Variants in LOXL2 observed in about 807,000 individuals in gnomAD.
The protein encoded by LOXL2 is lysyl oxidase like 2, also known as lysyl oxidase homolog 2.
In LOXL2, 70 loss-of-function variants were observed where a neutral mutation model predicts 93.0. The observed-to-expected ratio is 0.75, with a 90% CI of 0.62 to 0.92. The LOEUF (loss-of-function observed/expected upper bound fraction) is 0.92, where lower values mean the gene tolerates loss of function less well. LOXL2 is among the 40% of genes least tolerant of loss of function. LOXL2 has a pLI of 0.00. For missense variants in LOXL2, 973 were observed against 1,054.9 expected (o/e 0.92, Z 1.08); for synonymous variants, 438 against 413.2 (o/e 1.06, Z -0.73).
intron 3 of LOXL2, among the ~76,000 whole-genome samples, chr8:23,346,720 A>C (rs570801223): frequency 9.9e-5 from 15 of 152,194 alleles, no homozygotes; most frequent in Non-Finnish European, 1.9e-4. Context: ...TCCACATCAC[A>C]GTCGCTCTAA....
chr8:23,381,702 TG>T (rs1804682948), intron 1 of LOXL2, among the ~76,000 whole-genome samples: 2 of 152,208 alleles, frequency 1.3e-5, no homozygotes, highest in South Asian at 4.1e-4. Flanking sequence ...TTTTTCACAT[TG>T]GTATCCTTCC....
chr8:23,297,914 G>A lies in LOXL2; in HGVS notation c.*129C>T, dbSNP rs555426878. ...CCTCCTGAGCTTAGACACAGCTGTA[G>A]GGGTCTGGACAGGGTGGGGGCCGGG... is the stretch of plus-strand genomic sequence containing the variant. On this transcript the variant is annotated 3_prime_UTR_variant, in exon 14 of 14. Transcript: ENST00000389131. The A allele has an allele frequency of 1.4e-6, 1 of 691,108 alleles. No individual in the cohort carries two copies. Among genetic ancestry groups the A allele is most frequent in the Admixed American group, 2.3e-5 (1 of 42,996 alleles). The allele number at this position is 691,108 out of a possible 1,614,324, so 42.8% of individuals were successfully genotyped here.
Position 23,395,775 on chromosome 8 carries a change from C to T in LOXL2, c.-84+8179G>A, listed in dbSNP as rs143011602. ...AGCACAGTGGCACAATCCTGGCTCA[C>T]CGTAACCTCCGCCTCAGCCTCCTGA... On this transcript the variant is annotated intron_variant, in intron 1 of 13. Coordinates refer to ENST00000389131, the MANE Select transcript of LOXL2 (RefSeq NM_002318.3). Among the ~76,000 whole-genome samples, 1,129 of 152,112 alleles carry T rather than the reference C, an allele frequency of 7.4e-3. 9 individuals carry two copies. Among genetic ancestry groups the T allele is most frequent in the African/African-American group, 0.026 (1,061 of 41,506 alleles).
intron 1 of LOXL2, among the ~76,000 whole-genome samples, chr8:23,399,823 T>C (rs1800135062): frequency 6.6e-6 from 1 of 152,170 alleles, no homozygotes; most frequent in Non-Finnish European, 1.5e-5. Flanking sequence ...CACCTAGAAA[T>C]TCTTCCTCCA....
chr8:23,402,103 AAC>A (rs1235465594), intron 1 of LOXL2, among the ~76,000 whole-genome samples: 1 of 151,880 alleles, frequency 6.6e-6, no homozygotes, highest in South Asian at 2.1e-4. Context: ...CATGCACACA[AAC>A]ACAAATACAC....
intron 5 of LOXL2, among the ~76,000 whole-genome samples, chr8:23,329,958 C>T (rs917390655): frequency 6.6e-6 from 1 of 152,102 alleles, no homozygotes; most frequent in African/African-American, 2.4e-5. Flanking sequence ...TGCTCTGACC[C>T]CCGCAGTATG....
chr8:23,320,132 CTG>C, intron 7 of LOXL2, 80 bp from the exon 8 acceptor site: 1 of 1,477,248 alleles, frequency 6.8e-7, no homozygotes, highest in South Asian at 1.2e-5. Flanking sequence ...CCCCAGTGTC[CTG>C]GAGTCCTAAG....
At chr8:23,309,952 C>CT in intron 9 of LOXL2, 41 bp from the exon 10 acceptor site, 1 of 1,411,978 alleles carries the variant, frequency 7.1e-7, no homozygotes, top group Non-Finnish European at 9.3e-7. Flanking sequence ...CAAGAGACCC[C>CT]TCCCCAGGGC....
chr8:23,338,859 G>A (rs769143344), intron 4 of LOXL2, among the ~76,000 whole-genome samples: 3 of 152,172 alleles, frequency 2.0e-5, no homozygotes, highest in Non-Finnish European at 2.9e-5. Context: ...GGGAGAAGAG[G>A]AGCTGCAGCA....
rs775343307 is a variant in LOXL2, at chr8:23,333,548, G to A, written c.819C>T (p.Ser273=). 46 of 1,613,836 alleles carry A rather than the reference G, an allele frequency of 2.9e-5. No individual in the cohort carries two copies. Among genetic ancestry groups the A allele is most frequent in the Non-Finnish European group, 3.7e-5 (44 of 1,180,054 alleles). ...MDCTGTEAHI[S]SCKLGPQVSL... is the part of the protein sequence containing the mutation. ...ACACCTGGGGGCCCAGCTTGCAGCTGGAGATGTGGGCCTCTGTGCCGGTGC... is the reference window on the plus strand; with the variant it reads ...ACACCTGGGGGCCCAGCTTGCAGCTAGAGATGTGGGCCTCTGTGCCGGTGC... Residue 273 remains serine, a synonymous_variant, in exon 5 of 14, where the codon TCC becomes TCT. Coordinates refer to ENST00000389131, the MANE Select transcript of LOXL2 (RefSeq NM_002318.3).
intron 8 of LOXL2, among the ~76,000 whole-genome samples, chr8:23,318,183 AAAAAACC>A (rs1357562189): frequency 6.5e-5 from 5 of 76,458 alleles, no homozygotes; most frequent in African/African-American, 2.0e-4. Flanking sequence ...GTAAAAAAAA[AAAAAACC>A]CAAAAAACCT....
intron 2 of LOXL2, among the ~76,000 whole-genome samples, chr8:23,361,068 T>C (rs1444696678): frequency 6.6e-6 from 1 of 152,004 alleles, no homozygotes; most frequent in Non-Finnish European, 1.5e-5. Flanking sequence ...CCCTGGCTAA[T>C]TTTTTGTATT....
chr8:23,336,605 C>G (rs367581132), intron 4 of LOXL2: 1 of 152,256 alleles, frequency 6.6e-6, no homozygotes, highest in Non-Finnish European at 1.5e-5. Context: ...TCCTACCGAC[C>G]GGTGCTCCCC....
At chr8:23,355,891 G>A (rs183580640) in intron 3 of LOXL2, among the ~76,000 whole-genome samples, 5 of 152,006 alleles carry the variant, frequency 3.3e-5, no homozygotes, top group Non-Finnish European at 7.4e-5. Context: ...TTACAGATGT[G>A]AGCCAACCCA....
chr8:23,368,355 T>C lies in LOXL2; in HGVS notation c.-4A>G. On this transcript the variant is annotated 5_prime_UTR_variant, in exon 2 of 14. Coordinates refer to ENST00000389131, the MANE Select transcript of LOXL2 (RefSeq NM_002318.3). ...GGGAGCACAGAGGCCTCTCCATCCC[T>C]GTCTTCGGGCTGATGATCCCACGAA... The C allele has an allele frequency of 6.2e-7, 1 of 1,609,646 alleles. No individual in the cohort carries two copies. Among genetic ancestry groups the C allele is most frequent in the Non-Finnish European group, 8.5e-7 (1 of 1,179,344 alleles).
rs1036132937 is a variant in LOXL2, at chr8:23,330,455, C to T, written c.967-1890G>A. ...TGTAGAATGGTGGCCTCCTGCTTCC[C>T]TGACCTCCCTTCCCAAGCTGTCTTC... On this transcript the variant is annotated intron_variant, in intron 5 of 13. Transcript: ENST00000389131. Among the ~76,000 whole-genome samples the T allele has an allele frequency of 2.0e-5, 3 of 152,298 alleles. No individual in the cohort carries two copies. In the East Asian group the frequency reaches 5.8e-4, roughly 30 times the overall value.
chr8:23,318,425 GCACACA>G (rs59051890), intron 8 of LOXL2, among the ~76,000 whole-genome samples: 71,538 of 145,688 alleles, frequency 0.49, 18,697 homozygotes, highest in Non-Finnish European at 0.61. Context: ...TTGGTTGATA[GCACACA>G]CACACACACA....
At position 23,399,185 on chromosome 8, in the gene LOXL2, C is replaced by T. The variant is rs562404647; in HGVS notation, c.-84+4769G>A. ...CCTCGGGCCACTTCATCTGAGGCCT[C>T]ATGGACCACCCAGGGTGTGACTGCC... is the stretch of plus-strand genomic sequence containing the variant. On this transcript the variant is annotated intron_variant, in intron 1 of 13. Coordinates refer to ENST00000389131, the MANE Select transcript of LOXL2 (RefSeq NM_002318.3). Among the ~76,000 whole-genome samples, 7 of 152,338 alleles carry T rather than the reference C, an allele frequency of 4.6e-5. No individual in the cohort carries two copies. The South Asian group carries it at 1.5e-3, about 32-fold the overall frequency.
At chr8:23,371,342 C>T (rs908925469) in intron 1 of LOXL2, among the ~76,000 whole-genome samples, 2 of 151,972 alleles carry the variant, frequency 1.3e-5, no homozygotes, top group Admixed American at 6.6e-5. Flanking sequence ...AGTAAGGAGG[C>T]GTAGGAAGGA....
Sources: gnomAD v4.1 joint callset for allele counts (sites outside exome capture counted in the v4.1 genomes callset) on GRCh38, gnomAD v4.1.1 for gene constraint, MANE v1.5 for transcripts, NCBI Gene and HGNC (gene_info 2026-07-23, HGNC 2026-07-21) for gene names.